SYNE2: variants seen among roughly 807,000 people sequenced by gnomAD.
SYNE2 encodes the protein spectrin repeat containing nuclear envelope protein 2.
Under a neutral mutation model 856.3 loss-of-function variants are expected in SYNE2, and 431 were observed. The observed-to-expected ratio is 0.50, with a 90% CI of 0.47 to 0.55. The LOEUF (loss-of-function observed/expected upper bound fraction) is 0.55. Ranked by LOEUF, SYNE2 falls within the 20% of genes least tolerant of loss-of-function variation. The pLI is 0.00. For synonymous variants in SYNE2, 2,923 were observed against 2,872.3 expected, an observed-to-expected ratio of 1.02 and a Z score of -0.56; for missense variants, 8,129 against 8,023.2, an observed-to-expected ratio of 1.01 and a Z score of -0.50.
chr14:63,863,767 T>C (rs1433834960), intron 1 of SYNE2, among the ~76,000 whole-genome samples: 1 of 152,242 alleles, frequency 6.6e-6, no homozygotes, highest in African/African-American at 2.4e-5. Context: ...TCATGAATTC[T>C]GTTTATTAGA....
At chr14:63,824,854 G>T (rs867182613) in intron 1 of SYNE2, among the ~76,000 whole-genome samples, 9 of 151,914 alleles carry the variant, frequency 5.9e-5, no homozygotes, top group South Asian at 2.1e-4. Context: ...AGGGACAGAT[G>T]CCTGGGCGCA....
intron 32 of SYNE2, among the ~76,000 whole-genome samples, chr14:64,014,974 T>TATATATATAC (rs1434593932): frequency 1.2e-5 from 1 of 84,894 alleles, no homozygotes; most frequent in African/African-American, 4.2e-5. Flanking sequence ...TATATATATA[T>TATATATATAC]ACACACACAC....
intron 1 of SYNE2, among the ~76,000 whole-genome samples, chr14:63,901,139 G>A (rs1439803893): frequency 6.6e-6 from 1 of 152,206 alleles, no homozygotes; most frequent in Non-Finnish European, 1.5e-5. Context: ...GGCAGGGCTT[G>A]TTAACAAACT....
At position 64,202,813 on chromosome 14, in the gene SYNE2, G is replaced by A; in HGVS notation, c.18051G>A (p.Leu6017=). ...CAAATATGTGTAGGGTGAAGAAGCT[G>A]AAGGAGACCTTTGCTTTTATTCAGC... ...FDVIGSRVKK[L]KETFAFIQQL... Residue 6017 remains leucine, a synonymous_variant, in exon 100 of 116, where the codon CTG becomes CTA. Coordinates refer to ENST00000555002, the MANE Select transcript of SYNE2 (RefSeq NM_182914.3). The A allele has an allele frequency of 6.2e-7, 1 of 1,614,136 alleles. No homozygotes were observed. Among genetic ancestry groups the A allele is most frequent in the Middle Eastern group, 1.6e-4 (1 of 6,062 alleles).
chr14:64,078,167 A>G (rs2097484603), intron 54 of SYNE2, among the ~76,000 whole-genome samples: 1 of 152,202 alleles, frequency 6.6e-6, no homozygotes, highest in Admixed American at 6.5e-5. Context: ...TCCACTCAGT[A>G]ATTTTGCCCA....
At chr14:63,947,675 A>C (rs2096057826) in intron 6 of SYNE2, among the ~76,000 whole-genome samples, 1 of 152,116 alleles carries the variant, frequency 6.6e-6, no homozygotes, top group South Asian at 2.1e-4. Flanking sequence ...GTCTCCACTA[A>C]AAATACAAAA....
intron 2 of SYNE2, among the ~76,000 whole-genome samples, chr14:63,919,972 GTTTTTT>G (rs10673123): frequency 3.6e-5 from 4 of 110,620 alleles, no homozygotes; most frequent in Non-Finnish European, 7.3e-5. Flanking sequence ...TAAAAGGTAA[GTTTTTT>G]TTTTTTTTTT....
Position 64,016,556 on chromosome 14 carries a change from T to G in SYNE2, c.4812T>G (p.Tyr1604Ter). The change falls in exon 33 of 116, where the codon TAT becomes TAG. Residue 1604 changes from tyrosine to a stop codon, truncating the protein, a stop_gained. Coordinates refer to ENST00000555002, the MANE Select transcript of SYNE2 (RefSeq NM_182914.3). LOFTEE classifies it high-confidence loss of function. ...AGGTCTGCAAAAATCTACAATTTTA[T>G]CTAAATAAAATGAAAACTTTTGAAG... Reference protein sequence around the residue: ...INQVCKNLQFYLNKMKTFEEP... With the variant: ...INQVCKNLQF 6.2e-7 allele frequency: 1 copy of G among 1,604,278 alleles called. No individual in the cohort carries two copies.
chr14:63,909,996 A>G (rs1203338079), intron 2 of SYNE2, among the ~76,000 whole-genome samples: 2 of 152,164 alleles, frequency 1.3e-5, no homozygotes, highest in East Asian at 3.8e-4. Context: ...GTTTGGCAAT[A>G]TTTTTGTTGT....
intron 64 of SYNE2, 57 bp downstream of exon 64, chr14:64,102,099 G>C (rs1378595629): frequency 8.0e-7 from 1 of 1,256,622 alleles, no homozygotes; most frequent in African/African-American, 1.5e-5. Flanking sequence ...GGGGGAGCAG[G>C]GATCTCTTTC....
At chr14:64,113,247 C>A (rs2097826501) in intron 65 of SYNE2, 94 bp from the exon 66 acceptor site, 8 of 1,601,924 alleles carry the variant, frequency 5.0e-6, no homozygotes, top group Non-Finnish European at 5.9e-6. Context: ...GATTTTGTTT[C>A]TTTTAACTGG....
At chr14:64,205,358 G>T (rs770849719) in intron 100 of SYNE2, among the ~76,000 whole-genome samples, 16 of 152,034 alleles carry the variant, frequency 1.1e-4, no homozygotes, top group Admixed American at 2.0e-4. Flanking sequence ...CAAAACACTG[G>T]AAACAAATGT....
intron 1 of SYNE2, among the ~76,000 whole-genome samples, chr14:63,868,171 A>T (rs1429046268): frequency 1.3e-5 from 2 of 152,236 alleles, no homozygotes; most frequent in Non-Finnish European, 2.9e-5. Flanking sequence ...TCTTTAAATT[A>T]TAACCCTAGG....
At position 64,048,113 on chromosome 14, in the gene SYNE2, A is replaced by G; in HGVS notation, c.7335A>G (p.Glu2445=). 6.2e-7 allele frequency: 1 copy of G among 1,613,638 alleles called. No homozygotes were observed. Among genetic ancestry groups the G allele is most frequent in the Non-Finnish European group, 8.5e-7 (1 of 1,179,716 alleles). The change falls in exon 46 of 116, where the codon GAA becomes GAG. Residue 2445 remains glutamate (E), a synonymous_variant. Coordinates refer to ENST00000555002, the MANE Select transcript of SYNE2 (RefSeq NM_182914.3). ...KVNELQNQPL[E]LDTMLRNEQL... The stretch of plus-strand genomic sequence containing the variant: ...ATGAGCTGCAAAATCAACCTTTAGA[A>G]TTAGATACTATGTTAAGAAATGAAC...
intron 99 of SYNE2, chr14:64,202,250 C>A (rs1480032665): frequency 1.9e-5 from 13 of 702,220 alleles, no homozygotes; most frequent in Non-Finnish European, 3.4e-5. Context: ...CTGGGTGAAC[C>A]CCTCATACTG....
At chr14:63,980,022 C>CTAG in intron 14 of SYNE2, among the ~76,000 whole-genome samples, 1 of 152,146 alleles carries the variant, frequency 6.6e-6, no homozygotes, top group African/African-American at 2.4e-5. Context: ...CTTAAACACT[C>CTAG]TAAGTTTCCA....
Position 64,098,077 on chromosome 14 carries a change from AAG to A in SYNE2, c.12241_12242del (p.Asp4081Ter). The A allele has an allele frequency of 1.2e-6, 2 of 1,614,222 alleles. No individual in the cohort carries two copies. The highest frequency in any genetic ancestry group is 1.7e-6 in the Non-Finnish European group (2 of 1,180,032). On this transcript the variant is annotated frameshift_variant, in exon 62 of 116. Coordinates refer to ENST00000555002, the MANE Select transcript of SYNE2 (RefSeq NM_182914.3). LOFTEE classifies it high-confidence loss of function. The part of the protein sequence containing the change: ...HLKQEQEGVE[R>X]DRLPAVTSEE... ...TGAAGCAAGAACAAGAAGGAGTAGA[AAG>A]AGATAGGCTGCCAGCTGTAACATCA...
rs377396543 is a variant in SYNE2 at position 64,074,085 on chromosome 14, A to T, written c.10815A>T (p.Ser3605=). The T allele has an allele frequency of 1.5e-4, 246 of 1,614,236 alleles. No homozygotes were observed. Among genetic ancestry groups the T allele is most frequent in the East Asian group, 6.9e-4 (31 of 44,890 alleles). ...LKNFFQQTTT[S]FQNMAFQDHP... Reference sequence around the variant, plus strand: ...ATTTCTTTCAACAGACCACAACTTCATTCCAAAATATGGCATTCCAGGATC... The same window carrying T: ...ATTTCTTTCAACAGACCACAACTTCTTTCCAAAATATGGCATTCCAGGATC... Residue 3605 remains serine, a synonymous_variant, in exon 53 of 116, where the codon TCA becomes TCT. Coordinates refer to ENST00000555002, the MANE Select transcript of SYNE2 (RefSeq NM_182914.3).
In SYNE2 at chr14:64,027,377, A is replaced by G. The variant is rs187432729; in HGVS notation, c.6405-107A>G. On this transcript the variant is annotated intron_variant, in intron 42 of 115. Transcript: ENST00000555002. ...AAAAGAGTCTCTGGGAACAATGTATATTAGTGTTATTTTAATGTTTATTAG... is the reference window on the plus strand; with the variant it reads ...AAAAGAGTCTCTGGGAACAATGTATGTTAGTGTTATTTTAATGTTTATTAG... 131 of 692,252 alleles carry G rather than the reference A, an allele frequency of 1.9e-4. 2 individuals carry two copies. Among genetic ancestry groups the G allele is most frequent in the African/African-American group, 1.7e-3 (94 of 55,610 alleles). 42.9% of individuals were successfully genotyped at this position (692,252 alleles called of 1,614,324 possible).
Sources: allele counts gnomAD v4.1 joint callset (sites outside exome capture counted in the v4.1 genomes callset), GRCh38; gene constraint gnomAD v4.1.1; transcripts MANE v1.5; gene names NCBI Gene and HGNC (gene_info 2026-07-23, HGNC 2026-07-21).